Variants in CREBRF observed in about 807,000 individuals in gnomAD.
CREBRF encodes CREB3 regulatory factor.
CREBRF carries 5 observed loss-of-function variants against 66.1 expected under a neutral mutation model. The ratio of observed to expected loss-of-function variants is 0.08; its 90% CI spans 0.04 to 0.16. The LOEUF (loss-of-function observed/expected upper bound fraction) is 0.16, where lower values mean the gene tolerates loss of function less well. CREBRF is among the 10% of genes least tolerant of loss of function. CREBRF has a pLI of 1.00. For missense variants in CREBRF, 531 were observed against 744.9 expected, an observed-to-expected ratio of 0.71 and a Z score of 3.34; for synonymous variants, 229 against 264.4, an observed-to-expected ratio of 0.87 and a Z score of 1.30.
rs563810860 is a variant in CREBRF, at chr5:173,094,369, C to T, written c.1222+2968C>T. Among the ~76,000 whole-genome samples the T allele has an allele frequency of 1.7e-4, 26 of 152,274 alleles. No individual in the cohort carries two copies. In the East Asian group the frequency reaches 4.6e-3, roughly 27 times the overall value. On this transcript the variant is annotated intron_variant, in intron 4 of 8. Transcript: ENST00000296953. Reference sequence around the variant, plus strand: ...TTTTGAGGAACTTCCATGCTGTTTTCCATAATGACTGTACCAATTTACATT... The same window carrying T: ...TTTTGAGGAACTTCCATGCTGTTTTTCATAATGACTGTACCAATTTACATT...
At position 173,134,295 on chromosome 5, in the gene CREBRF, C is replaced by A; in HGVS notation, c.*550C>A. ...ATATATATATATATATATATACACA[C>A]ACACACACAAATGTCTGTGCAAGTA... is the stretch of plus-strand genomic sequence containing the variant. On this transcript the variant is annotated 3_prime_UTR_variant, in exon 9 of 9. Transcript: ENST00000296953. The A allele has an allele frequency of 5.3e-6, 1 of 189,824 alleles. No individual in the cohort carries two copies. The allele number at this position is 189,824 out of a possible 1,614,324, so 11.8% of individuals were successfully genotyped here.
intron 7 of CREBRF, among the ~76,000 whole-genome samples, chr5:173,122,465 C>T (rs961566246): frequency 1.3e-5 from 2 of 151,276 alleles, no homozygotes; most frequent in Non-Finnish European, 2.9e-5. Flanking sequence ...TGTATAGGAG[C>T]TGCTTATAAT....
chr5:173,124,722 T>A (rs1376996927), intron 8 of CREBRF: 1 of 152,036 alleles, frequency 6.6e-6, no homozygotes, highest in East Asian at 1.9e-4. Context: ...TTAGTTGACA[T>A]TTTTATGTTT....
chr5:173,060,941 G>C (rs1339146841), intron 1 of CREBRF, among the ~76,000 whole-genome samples: 1 of 152,142 alleles, frequency 6.6e-6, no homozygotes, highest in African/African-American at 2.4e-5. Flanking sequence ...GTCAGCCCCT[G>C]TTGTAAGACA....
In CREBRF at chr5:173,110,679, G is replaced by A. The variant is rs759695957; in HGVS notation, c.1575G>A (p.Arg525=). The part of the protein sequence containing the change: ...VSELPLTARP[R]SRKEKNKLAS... ...AGCTTCCCTTAACAGCCCGACCAAGGTCAAGGAAGGAAAAAAATAAGCTGG... is the reference window on the plus strand; with the variant it reads ...AGCTTCCCTTAACAGCCCGACCAAGATCAAGGAAGGAAAAAAATAAGCTGG... Residue 525 remains arginine, a synonymous_variant, in exon 6 of 9, where the codon AGG becomes AGA. Coordinates refer to ENST00000296953, the MANE Select transcript of CREBRF (RefSeq NM_153607.3). 1.2e-6 allele frequency: 2 copies of A among 1,607,642 alleles called. No individual in the cohort carries two copies. The highest frequency in any genetic ancestry group is 4.5e-5 in the East Asian group (2 of 44,850).
chr5:173,082,931 A>AC (rs1428237588), intron 2 of CREBRF, among the ~76,000 whole-genome samples: 4 of 142,230 alleles, frequency 2.8e-5, no homozygotes, highest in South Asian at 4.3e-4. Context: ...AAAAAAAAAA[A>AC]AAAAAAAAAA....
At chr5:173,108,498 A>G in intron 4 of CREBRF, 126 bp from the exon 5 acceptor site, 1 of 751,054 alleles carries the variant, frequency 1.3e-6, no homozygotes, top group East Asian at 2.7e-5. Context: ...ATTATCTTTG[A>G]CATGCCAATG....
intron 8 of CREBRF, among the ~76,000 whole-genome samples, chr5:173,131,731 C>CT (rs1759430490): frequency 7.2e-6 from 1 of 138,980 alleles, no homozygotes; most frequent in African/African-American, 2.7e-5. Context: ...CACACACACA[C>CT]TTTTTTTTGT....
At chr5:173,101,311 C>A (rs1758622797) in intron 4 of CREBRF, among the ~76,000 whole-genome samples, 1 of 152,102 alleles carries the variant, frequency 6.6e-6, no homozygotes, top group African/African-American at 2.4e-5. Flanking sequence ...CCTGCCTTGG[C>A]CTCCCAGAGT....
At chr5:173,059,806 A>T (rs986230815) in intron 1 of CREBRF, among the ~76,000 whole-genome samples, 6 of 152,214 alleles carry the variant, frequency 3.9e-5, no homozygotes, top group Non-Finnish European at 8.8e-5. Context: ...TTTGGGTATA[A>T]TTCCTTCATA....
intron 1 of CREBRF, among the ~76,000 whole-genome samples, chr5:173,072,390 C>T (rs1020397588): frequency 2.6e-5 from 4 of 152,100 alleles, no homozygotes; most frequent in Admixed American, 6.6e-5. Context: ...ATTCTCCTGC[C>T]TCAGCCTCCT....
At chr5:173,099,946 A>T (rs1758574571) in intron 4 of CREBRF, among the ~76,000 whole-genome samples, 1 of 140,604 alleles carries the variant, frequency 7.1e-6, no homozygotes, top group Non-Finnish European at 1.5e-5. Flanking sequence ...GCTGGAGTGC[A>T]GTGGCACAGT....
chr5:173,097,643 T>A (rs1325082044), intron 4 of CREBRF, among the ~76,000 whole-genome samples: 1 of 152,192 alleles, frequency 6.6e-6, no homozygotes, highest in East Asian at 1.9e-4. Flanking sequence ...TTCTAGGAAG[T>A]TATCCATTTC....
chr5:173,134,496 C>T lies in CREBRF; in HGVS notation c.*751C>T, dbSNP rs1040479664. ...TCAGATTTTTTGAATGTATATAGGA[C>T]TATGTTGAAATGTAGATATATGCCA... On this transcript the variant is annotated 3_prime_UTR_variant, in exon 9 of 9. Coordinates refer to ENST00000296953, the MANE Select transcript of CREBRF (RefSeq NM_153607.3). 6.3e-5 allele frequency: 11 copies of T among 175,100 alleles called. No individual in the cohort carries two copies. Among genetic ancestry groups the T allele is most frequent in the African/African-American group, 2.6e-4 (11 of 41,528 alleles). 10.8% of individuals were successfully genotyped at this position (175,100 alleles called of 1,614,324 possible).
intron 1 of CREBRF, among the ~76,000 whole-genome samples, chr5:173,080,383 A>C (rs543817673): frequency 6.6e-6 from 1 of 152,134 alleles, no homozygotes; most frequent in South Asian, 2.1e-4. Context: ...TCTATTTTAG[A>C]AAAATATAAG....
intron 1 of CREBRF, among the ~76,000 whole-genome samples, chr5:173,066,875 C>T (rs1581657962): frequency 7.7e-6 from 1 of 130,494 alleles, no homozygotes; most frequent in Admixed American, 9.5e-5. Flanking sequence ...AGTGCAGTGG[C>T]GTGATAATGG....
chr5:173,057,422 A>G (rs1229932283), intron 1 of CREBRF: 1 of 152,310 alleles, frequency 6.6e-6, no homozygotes, highest in African/African-American at 2.4e-5. Flanking sequence ...ACCAGGAAGT[A>G]GCTCAGGGGA....
chr5:173,094,902 T>C (rs1758440602), intron 4 of CREBRF, among the ~76,000 whole-genome samples: 1 of 152,122 alleles, frequency 6.6e-6, no homozygotes, highest in African/African-American at 2.4e-5. Flanking sequence ...TCCTAGTATT[T>C]TTATTATTTA....
At chr5:173,129,067 A>G (rs1210016717) in intron 8 of CREBRF, among the ~76,000 whole-genome samples, 1 of 132,092 alleles carries the variant, frequency 7.6e-6, no homozygotes, top group Non-Finnish European at 1.6e-5. Flanking sequence ...GGCGTGAGCC[A>G]CCGTGCCCGG....
Sources: allele counts gnomAD v4.1 joint callset (sites outside exome capture counted in the v4.1 genomes callset), GRCh38; gene constraint gnomAD v4.1.1; transcripts MANE v1.5; gene names NCBI Gene and HGNC (gene_info 2026-07-23, HGNC 2026-07-21).